Variants in ASIC2 observed in about 807,000 individuals in gnomAD.
The protein encoded by ASIC2 is acid sensing ion channel subunit 2.
In ASIC2, 25 loss-of-function variants were observed where a neutral mutation model predicts 57.3. The observed-to-expected ratio is 0.44, with a 90% confidence interval of 0.32 to 0.61. The LOEUF (loss-of-function observed/expected upper bound fraction) is 0.61, where lower values mean the gene tolerates loss of function less well. ASIC2 is among the 20% of genes least tolerant of loss of function. The pLI is 0.06. For missense variants in ASIC2, 641 were observed against 738.1 expected (o/e 0.87, Z 1.52); for synonymous variants, 319 against 307.5 (o/e 1.04, Z -0.39).
intron 1 of ASIC2, among the ~76,000 whole-genome samples, chr17:33,559,575 C>T (rs1372479911): frequency 1.3e-5 from 2 of 152,148 alleles, no homozygotes; most frequent in Non-Finnish European, 2.9e-5. Flanking sequence ...TCACTTATGG[C>T]AGAGGGCTAG....
intron 1 of ASIC2, among the ~76,000 whole-genome samples, chr17:33,475,992 G>A (rs1913207815): frequency 6.6e-6 from 1 of 152,182 alleles, no homozygotes; most frequent in African/African-American, 2.4e-5. Flanking sequence ...AAAAGTGAAA[G>A]GCTGGGAGGT....
At chr17:33,841,147 T>C (rs1366237452) in intron 1 of ASIC2, among the ~76,000 whole-genome samples, 1 of 152,218 alleles carries the variant, frequency 6.6e-6, no homozygotes, top group East Asian at 1.9e-4. Context: ...AGAAGTTTCC[T>C]GGGACAGGGC....
At chr17:33,863,339 C>T (rs1914144120) in intron 1 of ASIC2, among the ~76,000 whole-genome samples, 1 of 152,352 alleles carries the variant, frequency 6.6e-6, no homozygotes, top group Admixed American at 6.5e-5. Context: ...GCTTTTGAAT[C>T]CATATGATGC....
chr17:33,980,145 A>T (rs1905559024), intron 1 of ASIC2, among the ~76,000 whole-genome samples: 1 of 152,136 alleles, frequency 6.6e-6, no homozygotes, highest in Admixed American at 6.5e-5. Flanking sequence ...AAACACAAGG[A>T]CACTGGGACA....
chr17:33,791,451 G>T (rs1404513570), intron 1 of ASIC2, among the ~76,000 whole-genome samples: 2 of 152,178 alleles, frequency 1.3e-5, no homozygotes, highest in African/African-American at 4.8e-5. Context: ...ACCCCATTGG[G>T]CAGGGGAACT....
At chr17:33,984,870 C>T (rs1905761031) in intron 1 of ASIC2, among the ~76,000 whole-genome samples, 1 of 152,192 alleles carries the variant, frequency 6.6e-6, no homozygotes, top group Non-Finnish European at 1.5e-5. Context: ...CATGGATCAC[C>T]TCTTTAACCC....
intron 1 of ASIC2, among the ~76,000 whole-genome samples, chr17:34,135,170 T>C (rs1204416077): frequency 1.3e-5 from 2 of 152,220 alleles, no homozygotes; most frequent in South Asian, 4.1e-4. Context: ...ACAACTTCTC[T>C]GAGTTCTGGC....
At chr17:33,866,367 A>G (rs1914237286) in intron 1 of ASIC2, among the ~76,000 whole-genome samples, 1 of 152,186 alleles carries the variant, frequency 6.6e-6, no homozygotes, top group Admixed American at 6.5e-5. Context: ...GTGCTGAATT[A>G]TATTCCATTG....
At chr17:33,436,047 A>C (rs1335677539) in intron 1 of ASIC2, among the ~76,000 whole-genome samples, 1 of 152,282 alleles carries the variant, frequency 6.6e-6, no homozygotes, top group Non-Finnish European at 1.5e-5. Context: ...CTGCTTTTGC[A>C]AAGATGATGA....
chr17:33,229,918 C>A (rs1262244767), intron 1 of ASIC2, among the ~76,000 whole-genome samples: 2 of 152,294 alleles, frequency 1.3e-5, no homozygotes, highest in East Asian at 3.9e-4. Flanking sequence ...GGATTCTAGC[C>A]TTTGATGGAC....
At chr17:33,910,887 C>T (rs1453822720) in intron 1 of ASIC2, among the ~76,000 whole-genome samples, 1 of 152,172 alleles carries the variant, frequency 6.6e-6, no homozygotes, top group African/African-American at 2.4e-5. Context: ...GGAGCTTGTC[C>T]AGTGGAGAGG....
At chr17:33,624,968 A>G (rs1411491509) in intron 1 of ASIC2, among the ~76,000 whole-genome samples, 1 of 152,262 alleles carries the variant, frequency 6.6e-6, no homozygotes, top group Non-Finnish European at 1.5e-5. Flanking sequence ...AAGGCACGAT[A>G]GCCAGCATGA....
At chr17:33,110,399 G>A (rs772966437) in intron 2 of ASIC2, among the ~76,000 whole-genome samples, 3 of 152,056 alleles carry the variant, frequency 2.0e-5, no homozygotes, top group Non-Finnish European at 4.4e-5. Flanking sequence ...ACAAACCTTC[G>A]TCCCTCTGCA....
Position 34,073,257 on chromosome 17 carries a change from C to T in ASIC2, c.555+82721G>A, listed in dbSNP as rs751729304. On this transcript the variant is annotated intron_variant, in intron 1 of 9. Transcript: ENST00000359872. ...TGTGCCCACCCTATTGAAATCACCCCGAAAAGCAGCCATAGACAATACAGA... is the reference window on the plus strand; with the variant it reads ...TGTGCCCACCCTATTGAAATCACCCTGAAAAGCAGCCATAGACAATACAGA... Among the ~76,000 whole-genome samples, 12 of 152,070 alleles carry T rather than the reference C, an allele frequency of 7.9e-5. No homozygotes were observed. The South Asian group carries it at 8.3e-4, about 11-fold the overall frequency.
At chr17:33,673,897 C>CTTTTTTTTTTTTTTTTTTTT (rs574986885) in intron 1 of ASIC2, among the ~76,000 whole-genome samples, 53 of 141,144 alleles carry the variant, frequency 3.8e-4, no homozygotes, top group African/African-American at 1.4e-3. Context: ...GCATCCGTGT[C>CTTTTTTTTTTTTTTTTTTTT]TTTTTTTTTT....
At chr17:33,185,841 T>G (rs1906170451) in intron 1 of ASIC2, among the ~76,000 whole-genome samples, 1 of 152,144 alleles carries the variant, frequency 6.6e-6, no homozygotes, top group African/African-American at 2.4e-5. Context: ...AACAGCTTTG[T>G]AATAAACACT....
chr17:33,853,451 C>T (rs955453932), intron 1 of ASIC2, among the ~76,000 whole-genome samples: 1 of 152,170 alleles, frequency 6.6e-6, no homozygotes, highest in Non-Finnish European at 1.5e-5. Context: ...AAAGGGTTCA[C>T]AAAGAAACTG....
chr17:34,094,497 A>G (rs1910449032), intron 1 of ASIC2, among the ~76,000 whole-genome samples: 1 of 152,232 alleles, frequency 6.6e-6, no homozygotes, highest in African/African-American at 2.4e-5. Flanking sequence ...TACAACATCC[A>G]TGATGGACAG....
chr17:33,424,141 T>G (rs1911136501), intron 1 of ASIC2, among the ~76,000 whole-genome samples: 1 of 152,136 alleles, frequency 6.6e-6, no homozygotes, highest in African/African-American at 2.4e-5. Context: ...AAATGCCACT[T>G]CAGAGCAGGG....
Sources: gnomAD v4.1 joint callset for allele counts (sites outside exome capture counted in the v4.1 genomes callset) on GRCh38, gnomAD v4.1.1 for gene constraint, MANE v1.5 for transcripts, NCBI Gene and HGNC (gene_info 2026-07-23, HGNC 2026-07-21) for gene names.